The following TBC1D19 variants were observed in gnomAD, a reference collection of about 807,000 sequenced individuals.
TBC1D19 encodes the protein TBC1 domain family member 19.
In TBC1D19, 60 loss-of-function variants were observed where a neutral mutation model predicts 89.0. The ratio of observed to expected loss-of-function variants is 0.67; its 90% confidence interval spans 0.55 to 0.84. The LOEUF (loss-of-function observed/expected upper bound fraction) is 0.84, where lower values mean the gene tolerates loss of function less well. Among genes scored for constraint, TBC1D19 ranks in the 40% least tolerant of loss-of-function variants. The probability of loss-of-function intolerance (pLI) is 0.00; values close to 1 mark genes in which losing one functional copy is unlikely to be tolerated. For synonymous variants in TBC1D19, 189 were observed against 199.7 expected, an observed-to-expected ratio of 0.95 and a Z score of 0.45; for missense variants, 500 against 610.8, an observed-to-expected ratio of 0.82 and a Z score of 1.91.
intron 13 of TBC1D19, among the ~76,000 whole-genome samples, chr4:26,691,042 G>A (rs1439073377): frequency 1.3e-5 from 2 of 152,160 alleles, no homozygotes; most frequent in Non-Finnish European, 2.9e-5. Context: ...AAAGGAGTTT[G>A]GAAGAAGTTG....
intron 9 of TBC1D19, among the ~76,000 whole-genome samples, 173 bp from the exon 10 acceptor site, chr4:26,671,976 A>T (rs888293984): frequency 7.2e-5 from 11 of 151,826 alleles, no homozygotes; most frequent in Non-Finnish European, 1.6e-4. Flanking sequence ...TTTTAATTTT[A>T]AAAAATGTAG....
intron 1 of TBC1D19, among the ~76,000 whole-genome samples, chr4:26,608,276 A>G (rs940151293): frequency 2.0e-5 from 3 of 152,206 alleles, no homozygotes; most frequent in Admixed American, 1.3e-4. Context: ...CTAAGCCACT[A>G]AAACAAAATA....
the TBC1D19 span, among the ~76,000 whole-genome samples, chr4:26,810,071 A>T: frequency 6.6e-6 from 1 of 152,184 alleles, no homozygotes; most frequent in Non-Finnish European, 1.5e-5. Flanking sequence ...GGCCACAGTG[A>T]TGGGGAATAC....
At chr4:26,769,375 A>C in the TBC1D19 span, among the ~76,000 whole-genome samples, 1 of 152,232 alleles carries the variant, frequency 6.6e-6, no homozygotes, top group East Asian at 1.9e-4. Context: ...TAGAAATAAT[A>C]ACCATGTGGG....
the TBC1D19 span, among the ~76,000 whole-genome samples, chr4:26,772,654 T>C: frequency 6.6e-6 from 1 of 152,164 alleles, no homozygotes; most frequent in East Asian, 1.9e-4. Context: ...CAGTGTGTGT[T>C]GCTCCCTGCT....
At chr4:26,693,191 G>A (rs879422543) in intron 13 of TBC1D19, among the ~76,000 whole-genome samples, 2 of 151,330 alleles carry the variant, frequency 1.3e-5, no homozygotes, top group Non-Finnish European at 2.9e-5. Flanking sequence ...TGCTCAAGGC[G>A]GCATACTCTG....
the TBC1D19 span, among the ~76,000 whole-genome samples, chr4:26,850,285 A>G: frequency 6.6e-6 from 1 of 152,010 alleles, no homozygotes; most frequent in Non-Finnish European, 1.5e-5. Context: ...GCGGTGACTC[A>G]CACCTATAAT....
the TBC1D19 span, among the ~76,000 whole-genome samples, chr4:26,788,847 C>T: frequency 1.3e-5 from 2 of 152,156 alleles, no homozygotes; most frequent in Admixed American, 6.5e-5. Flanking sequence ...TGGAGGATCC[C>T]TGAAGCTGCC....
At chr4:26,750,352 G>A (rs1718881200) in intron 19 of TBC1D19, among the ~76,000 whole-genome samples, 1 of 152,170 alleles carries the variant, frequency 6.6e-6, no homozygotes, top group Non-Finnish European at 1.5e-5. Context: ...ATTAAAGCAT[G>A]TTTAAAAGGA....
chr4:26,639,007 A>T (rs1180055771), intron 6 of TBC1D19, among the ~76,000 whole-genome samples, 173 bp downstream of exon 6: 2 of 152,172 alleles, frequency 1.3e-5, no homozygotes, highest in African/African-American at 4.8e-5. Flanking sequence ...ACTCCCAGAC[A>T]CCACATGCAA....
the TBC1D19 span, among the ~76,000 whole-genome samples, chr4:26,776,991 CA>C: frequency 6.6e-6 from 1 of 151,978 alleles, no homozygotes; most frequent in African/African-American, 2.4e-5. Context: ...TTTTTTATTT[CA>C]AGAACGTTTT....
At chr4:26,606,410 A>AATAGGAAGCTATCTTCAC (rs1405304480) in intron 1 of TBC1D19, among the ~76,000 whole-genome samples, 2 of 152,196 alleles carry the variant, frequency 1.3e-5, no homozygotes. Context: ...GCTATCTTCA[A>AATAGGAAGCTATCTTCAC]ATAGGAAGCT....
chr4:26,748,566 T>C, intron 19 of TBC1D19, 40 bp downstream of exon 19: 1 of 1,405,358 alleles, frequency 7.1e-7, no homozygotes, highest in Non-Finnish European at 1.0e-6. Flanking sequence ...ATGCTGTTTC[T>C]ATAATAAGTC....
chr4:26,597,666 T>C (rs541498210), intron 1 of TBC1D19, among the ~76,000 whole-genome samples: 1 of 151,996 alleles, frequency 6.6e-6, no homozygotes, highest in East Asian at 1.9e-4. Flanking sequence ...GCCTGGCCTT[T>C]GTATTTTTTT....
intron 4 of TBC1D19, 110 bp downstream of exon 4, chr4:26,620,798 G>GT: frequency 1.1e-6 from 1 of 878,424 alleles, no homozygotes; most frequent in Non-Finnish European, 1.7e-6. Flanking sequence ...GAAATACTGG[G>GT]TAAGAACCAC....
chr4:26,606,001 A>G (rs1466590105), intron 1 of TBC1D19, among the ~76,000 whole-genome samples: 1 of 152,236 alleles, frequency 6.6e-6, no homozygotes, highest in Non-Finnish European at 1.5e-5. Flanking sequence ...CCACATAAAC[A>G]AAAGCATTCT....
At chr4:26,792,480 T>C in the TBC1D19 span, among the ~76,000 whole-genome samples, 1 of 152,106 alleles carries the variant, frequency 6.6e-6, no homozygotes, top group East Asian at 1.9e-4. Flanking sequence ...AGTTTTGCTA[T>C]AAAGGAATCT....
chr4:26,844,618 G>A, the TBC1D19 span, among the ~76,000 whole-genome samples: 1 of 152,198 alleles, frequency 6.6e-6, no homozygotes, highest in African/African-American at 2.4e-5. Flanking sequence ...AGCTGAAGAA[G>A]TTATTCAAGT....
At chr4:26,788,649 T>C in the TBC1D19 span, among the ~76,000 whole-genome samples, 2 of 152,230 alleles carry the variant, frequency 1.3e-5, no homozygotes, top group Non-Finnish European at 2.9e-5. Context: ...AGCAATCTGC[T>C]GTGACATTCT....
Sources: allele counts gnomAD v4.1 joint callset (sites outside exome capture counted in the v4.1 genomes callset), GRCh38; gene constraint gnomAD v4.1.1; transcripts MANE v1.5; gene names NCBI Gene and HGNC (gene_info 2026-07-23, HGNC 2026-07-21).